NPM2: variants seen among roughly 807,000 people sequenced by gnomAD.
NPM2 encodes the protein nucleoplasmin-2.
NPM2 carries 25 observed loss-of-function variants against 32.0 expected under a neutral mutation model. That is an observed-to-expected ratio of 0.78 (90% CI 0.57 to 1.09). The LOEUF is 1.09. Ranked by LOEUF, NPM2 falls within the 50% of genes least tolerant of loss-of-function variation. The pLI, the probability that NPM2 is intolerant of heterozygous loss-of-function variation, is 0.00. For missense variants in NPM2, 282 were observed against 259.9 expected (o/e 1.08, Z -0.58); for synonymous variants, 111 against 94.2 (o/e 1.18, Z -1.04).
At chr8:22,036,400 A>G (rs997322386) in intron 8 of NPM2, 93 bp from the exon 9 acceptor site, 93 of 1,304,846 alleles carry the variant, frequency 7.1e-5, no homozygotes, top group East Asian at 2.0e-4. Context: ...CTTGCTTTCC[A>G]GGGTGGGCAC....
At chr8:22,033,899 T>C (rs1800525712) in intron 6 of NPM2, among the ~76,000 whole-genome samples, 1 of 152,084 alleles carries the variant, frequency 6.6e-6, no homozygotes, top group Non-Finnish European at 1.5e-5. Flanking sequence ...AGGGCTTTCC[T>C]AGACCCCCTA....
intron 5 of NPM2, 58 bp downstream of exon 5, chr8:22,025,830 G>T (rs527386447): frequency 6.2e-7 from 1 of 1,609,846 alleles, no homozygotes; most frequent in Non-Finnish European, 8.5e-7. Context: ...ACCCTTGGGT[G>T]GGGATGGACA....
At chr8:22,035,742 TTGCCAACATAGCAAAACCC>T (rs1209853903) in intron 8 of NPM2, among the ~76,000 whole-genome samples, 2 of 152,162 alleles carry the variant, frequency 1.3e-5, no homozygotes, top group Non-Finnish European at 1.5e-5. Flanking sequence ...AAGACCAGCC[TTGCCAACATAGCAAAACCC>T]TGTCTCTACT....
At chr8:22,035,990 C>T (rs958306732) in intron 8 of NPM2, among the ~76,000 whole-genome samples, 1 of 149,918 alleles carries the variant, frequency 6.7e-6, no homozygotes, top group South Asian at 2.1e-4. Flanking sequence ...AGAAAATACA[C>T]CAAAATGTTT....
At position 22,025,469 on chromosome 8, in the gene NPM2, C is replaced by A. The variant is rs1563350404; in HGVS notation, c.92C>A (p.Thr31Asn). Reference protein sequence around the residue: ...CELSQERRTWTFRPQLEGKQS... With the variant: ...CELSQERRTWNFRPQLEGKQS... ...CTCAGTCAGGAGAGGCGGACTTGGA[C>A]CTTCAGACCCCAGCTGGAGGGGAAG... Residue 31 changes from threonine (T) to asparagine (N), a missense_variant, in exon 4 of 10, where the codon ACC (threonine) becomes AAC (asparagine). Coordinates refer to ENST00000518119, the MANE Select transcript of NPM2 (RefSeq NM_001286680.2). 1 of 1,614,020 alleles carries A rather than the reference C, an allele frequency of 6.2e-7. No homozygotes were observed. Among genetic ancestry groups the A allele is most frequent in the Non-Finnish European group, 8.5e-7 (1 of 1,180,020 alleles).
At chr8:22,034,011 G>C (rs1303632227) in intron 6 of NPM2, 98 bp from the exon 7 acceptor site, 2 of 1,501,026 alleles carry the variant, frequency 1.3e-6, no homozygotes, top group African/African-American at 2.8e-5. Flanking sequence ...ATTCCTCCAG[G>C]GCAGTGCTTG....
chr8:22,024,968 T>C, intron 2 of NPM2, 138 bp downstream of exon 2: 1 of 463,070 alleles, frequency 2.2e-6, no homozygotes, highest in South Asian at 3.4e-5. Context: ...AAGCCTGAGC[T>C]CGGTGGACAG....
intron 5 of NPM2, among the ~76,000 whole-genome samples, chr8:22,026,940 T>C (rs1057444211): frequency 6.6e-6 from 1 of 152,202 alleles, no homozygotes; most frequent in African/African-American, 2.4e-5. Context: ...TTTTAAAAAA[T>C]TGCTTTGCTT....
At chr8:22,026,660 G>A (rs1410929255) in intron 5 of NPM2, among the ~76,000 whole-genome samples, 3 of 152,030 alleles carry the variant, frequency 2.0e-5, no homozygotes, top group Non-Finnish European at 2.9e-5. Flanking sequence ...TCACAATGTT[G>A]CCCAGGCTAG....
rs1374351905 is a variant in NPM2, at chr8:22,025,431, C to T, written c.59-5C>T. Reference sequence around the variant, plus strand: ...GCCCCACTTCCCTCCCTTTCTCCTCCGCAGGCTGCGAGCTCAGTCAGGAGA... The same window carrying T: ...GCCCCACTTCCCTCCCTTTCTCCTCTGCAGGCTGCGAGCTCAGTCAGGAGA... On this transcript the variant is annotated splice_polypyrimidine_tract_variant and splice_region_variant and intron_variant, in intron 3 of 9. Transcript: ENST00000518119. 6.2e-6 allele frequency: 10 copies of T among 1,613,664 alleles called. No individual in the cohort carries two copies. Among genetic ancestry groups the T allele is most frequent in the Non-Finnish European group, 8.5e-6 (10 of 1,179,814 alleles).
In NPM2 at chr8:22,034,236, C is replaced by G; in HGVS notation, c.492C>G (p.Val164=). The G allele has an allele frequency of 6.2e-7, 1 of 1,606,676 alleles. No homozygotes were observed. ...SLEEQSPVKQ[V]KRLVPQKQAS... is the part of the protein sequence containing the mutation. Reference sequence around the variant, plus strand: ...AGGAGCAAAGCCCTGTCAAACAAGTCAAAAGGCTGGTGCCCCAGAAGCAGG... The same window carrying G: ...AGGAGCAAAGCCCTGTCAAACAAGTGAAAAGGCTGGTGCCCCAGAAGCAGG... The change falls in exon 7 of 10, where the codon GTC becomes GTG. Residue 164 remains valine (V), a synonymous_variant. Transcript: ENST00000518119.
chr8:22,026,929 C>T (rs902665008), intron 5 of NPM2, among the ~76,000 whole-genome samples: 2 of 152,144 alleles, frequency 1.3e-5, no homozygotes, highest in Admixed American at 6.5e-5. Context: ...AAACCCTCTG[C>T]TTTTAAAAAA....
chr8:22,031,259 G>A (rs946682077), intron 5 of NPM2, among the ~76,000 whole-genome samples: 1 of 152,036 alleles, frequency 6.6e-6, no homozygotes, highest in Non-Finnish European at 1.5e-5. Flanking sequence ...TTTGATTTTT[G>A]TTTTTCATTT....
chr8:22,031,026 G>C (rs1384703742), intron 5 of NPM2, among the ~76,000 whole-genome samples: 1 of 152,140 alleles, frequency 6.6e-6, no homozygotes, highest in African/African-American at 2.4e-5. Flanking sequence ...GCCTGAGTTT[G>C]GGGAGTGTTC....
intron 5 of NPM2, among the ~76,000 whole-genome samples, chr8:22,027,131 C>T (rs1800281990): frequency 6.6e-6 from 1 of 151,916 alleles, no homozygotes; most frequent in African/African-American, 2.4e-5. Flanking sequence ...ATATTGAGCC[C>T]TTTTTTTTAC....
In NPM2 at chr8:22,034,180, G is replaced by A. The variant is rs935914806; in HGVS notation, c.436G>A (p.Asp146Asn). Residue 146 changes from aspartate to asparagine, a missense_variant, in exon 7 of 10, where the codon GAT (aspartate) becomes AAT (asparagine). Asp to Asn is a conservative substitution (Grantham distance 23). Transcript: ENST00000518119. The stretch of plus-strand genomic sequence containing the variant: ...GGAGGAGGAAGAGGAAGAGGAAGAT[G>A]ATGAGGATGAGGATGCAGATATATC... Reference protein sequence around the residue: ...GEEEEEEEEDDEDEDADISLE... With the variant: ...GEEEEEEEEDNEDEDADISLE... 2 of 1,612,848 alleles carry A rather than the reference G, an allele frequency of 1.2e-6. No homozygotes were observed. The highest frequency in any genetic ancestry group is 1.7e-6 in the Non-Finnish European group (2 of 1,179,500).
intron 3 of NPM2, 54 bp downstream of exon 3, chr8:22,025,360 GC>G (rs1800205062): frequency 1.3e-6 from 2 of 1,599,740 alleles, no homozygotes; most frequent in Admixed American, 3.5e-5. Flanking sequence ...CCGGTGCGCG[GC>G]AGCTTGGGGC....
At chr8:22,030,707 T>A (rs542025797) in intron 5 of NPM2, among the ~76,000 whole-genome samples, 1 of 152,270 alleles carries the variant, frequency 6.6e-6, no homozygotes, top group East Asian at 1.9e-4. Context: ...AGAGACAAGA[T>A]CTTGCTCTGT....
intron 5 of NPM2, among the ~76,000 whole-genome samples, chr8:22,032,000 T>C (rs966956501): frequency 1.3e-5 from 2 of 152,218 alleles, no homozygotes; most frequent in Non-Finnish European, 2.9e-5. Context: ...GCAGAGTTTG[T>C]TTTCACTTAT....
Sources: gnomAD v4.1 joint callset for allele counts (sites outside exome capture counted in the v4.1 genomes callset) on GRCh38, gnomAD v4.1.1 for gene constraint, MANE v1.5 for transcripts, NCBI Gene and HGNC (gene_info 2026-07-23, HGNC 2026-07-21) for gene names.